Variants in OPN5 observed in about 807,000 individuals in gnomAD.
OPN5 encodes the protein opsin-5.
A neutral mutation model predicts 41.7 loss-of-function variants in OPN5; 18 were observed. The ratio of observed to expected loss-of-function variants is 0.43; its 90% CI spans 0.30 to 0.64. The LOEUF (loss-of-function observed/expected upper bound fraction) is 0.64, where lower values mean the gene tolerates loss of function less well. OPN5 is among the 30% of genes least tolerant of loss of function. The pLI is 0.13. For missense variants in OPN5, 318 were observed against 434.5 expected (o/e 0.73, Z 2.38); for synonymous variants, 178 against 164.3 (o/e 1.08, Z -0.64).
At position 47,798,479 on chromosome 6, in the gene OPN5, C is replaced by A. The variant is rs1298864679; in HGVS notation, c.756+2916C>A. Among the ~76,000 whole-genome samples, 3 of 151,428 alleles carry A rather than the reference C, an allele frequency of 2.0e-5. No homozygotes were observed. The East Asian group carries it at 5.8e-4, about 29-fold the overall frequency. On this transcript the variant is annotated intron_variant, in intron 4 of 6. Coordinates refer to ENST00000371211, the Ensembl canonical transcript of OPN5. ...TAGGCTCACTCTAGACCAGATTAAC[C>A]AAAGAAATGTTAAATGAAGTGTAGG...
chr6:47,808,265 G>T, exon 5 of OPN5: 1 of 1,614,004 alleles, frequency 6.2e-7, no homozygotes, highest in Non-Finnish European at 8.5e-7. Context: ...GCTCTCTGTG[G>T]TGCCAACCCT....
At chr6:47,823,983 T>G (rs1386180850) in exon 7 of OPN5, 1 of 1,550,028 alleles carries the variant, frequency 6.5e-7, no homozygotes, top group Non-Finnish European at 8.7e-7. Flanking sequence ...TTCTCTACAG[T>G]GGGAATAACA....
intron 4 of OPN5, among the ~76,000 whole-genome samples, chr6:47,797,037 A>C (rs1773594570): frequency 6.6e-6 from 1 of 152,190 alleles, no homozygotes; most frequent in Non-Finnish European, 1.5e-5. Flanking sequence ...AGACTTATTC[A>C]CTATCATGAG....
chr6:47,782,918 A>G (rs913080359), intron 1 of OPN5, among the ~76,000 whole-genome samples: 14 of 152,230 alleles, frequency 9.2e-5, no homozygotes, highest in Admixed American at 7.9e-4. Context: ...AAGGCTCAGT[A>G]CAACAAAAAG....
intron 3 of OPN5, among the ~76,000 whole-genome samples, chr6:47,792,956 C>T (rs1416896130): frequency 6.7e-6 from 1 of 149,944 alleles, no homozygotes; most frequent in African/African-American, 2.4e-5. Context: ...GGCTTGTGAG[C>T]CATTCTCTTC....
At chr6:47,790,622 A>AT (rs1165707048) in intron 2 of OPN5, among the ~76,000 whole-genome samples, 4 of 152,212 alleles carry the variant, frequency 2.6e-5, no homozygotes, top group Non-Finnish European at 2.9e-5. Flanking sequence ...AATATGTTCT[A>AT]TTTTTTAAAT....
chr6:47,824,068 A>C, exon 7 of OPN5: 1 of 1,239,312 alleles, frequency 8.1e-7, no homozygotes, highest in Non-Finnish European at 1.2e-6. Context: ...TAGCTTACAA[A>C]TGTTATTTTT....
chr6:47,798,309 C>A (rs1773643089), intron 4 of OPN5, among the ~76,000 whole-genome samples: 1 of 151,570 alleles, frequency 6.6e-6, no homozygotes, highest in African/African-American at 2.4e-5. Flanking sequence ...ATGTTTAGAC[C>A]AGTCAGTACT....
At chr6:47,825,186 A>T (rs1236183394), downstream of OPN5, 1 of 152,226 alleles carries the variant, frequency 6.6e-6, no homozygotes, top group Non-Finnish European at 1.5e-5. Context: ...GTTATCTGTG[A>T]ACTTTCTAAA....
At chr6:47,800,364 A>G (rs1420827798) in intron 4 of OPN5, among the ~76,000 whole-genome samples, 1 of 152,068 alleles carries the variant, frequency 6.6e-6, no homozygotes, top group Admixed American at 6.6e-5. Context: ...TGGGAATGAA[A>G]TCATAGGGGG....
chr6:47,814,534 A>G (rs1397888240), intron 6 of OPN5, among the ~76,000 whole-genome samples: 1 of 152,118 alleles, frequency 6.6e-6, no homozygotes, highest in African/African-American at 2.4e-5. Context: ...CTTTGGTTCT[A>G]CATTGTTTTG....
chr6:47,788,854 C>A (rs1326747104), intron 2 of OPN5, among the ~76,000 whole-genome samples: 1 of 150,816 alleles, frequency 6.6e-6, no homozygotes, highest in Non-Finnish European at 1.5e-5. Context: ...CCTGAACTCA[C>A]TCCAGATAAA....
chr6:47,784,886 A>C (rs1477264645), intron 1 of OPN5, among the ~76,000 whole-genome samples: 1 of 152,130 alleles, frequency 6.6e-6, no homozygotes, highest in East Asian at 1.9e-4. Context: ...TTATCTTCTT[A>C]ATCTGGTTGT....
At chr6:47,796,826 ATC>A (rs1773587410) in intron 4 of OPN5, among the ~76,000 whole-genome samples, 6 of 152,216 alleles carry the variant, frequency 3.9e-5, no homozygotes, top group Admixed American at 3.9e-4. Flanking sequence ...TTAGTCTGCT[ATC>A]ACACTGCTAA....
At chr6:47,810,342 C>T (rs751276402) in intron 5 of OPN5, among the ~76,000 whole-genome samples, 8 of 152,200 alleles carry the variant, frequency 5.3e-5, no homozygotes, top group South Asian at 4.1e-4. Context: ...GAAGAGCAGA[C>T]GGGTGGATGG....
At chr6:47,824,199 T>C in exon 7 of OPN5, 1 of 587,418 alleles carries the variant, frequency 1.7e-6, no homozygotes, top group South Asian at 2.3e-5. Flanking sequence ...CATTCTGGTA[T>C]AGTGGCAGAG....
At position 47,803,596 on chromosome 6, in the gene OPN5, A is replaced by G. The variant is rs190189558; in HGVS notation, c.757-4558A>G. ...CTAATTGGTTCTGTAATGTGATTCAATCTTGTTATTGATGGGGAACTTATT... is the reference window on the plus strand; with the variant it reads ...CTAATTGGTTCTGTAATGTGATTCAGTCTTGTTATTGATGGGGAACTTATT... On this transcript the variant is annotated intron_variant, in intron 4 of 6. Coordinates refer to ENST00000371211, the Ensembl canonical transcript of OPN5. Among the ~76,000 whole-genome samples the G allele has an allele frequency of 3.5e-3, 529 of 152,276 alleles. 2 individuals are homozygous for G. The highest frequency in any genetic ancestry group is 6.1e-3 in the Non-Finnish European group (416 of 68,016).
chr6:47,804,864 T>G (rs1773902889), intron 4 of OPN5, among the ~76,000 whole-genome samples: 1 of 152,220 alleles, frequency 6.6e-6, no homozygotes, highest in African/African-American at 2.4e-5. Context: ...ATGCTAATGT[T>G]TTAAGTCTTT....
chr6:47,786,459 C>T, intron 1 of OPN5, 56 bp from the exon 2 acceptor site: 3 of 1,512,644 alleles, frequency 2.0e-6, no homozygotes, highest in Non-Finnish European at 2.7e-6. Context: ...TGTTTCATAT[C>T]TGAGTGAACT....
Sources: allele counts gnomAD v4.1 joint callset (sites outside exome capture counted in the v4.1 genomes callset), GRCh38; gene constraint gnomAD v4.1.1; transcripts MANE v1.5; gene names NCBI Gene and HGNC (gene_info 2026-07-23, HGNC 2026-07-21).